Variants in TOM1L1 observed in about 807,000 individuals in gnomAD.
The protein encoded by TOM1L1 is TOM1-like protein 1.
A neutral mutation model predicts 63.4 loss-of-function variants in TOM1L1; 64 were observed. The observed-to-expected ratio is 1.01, with a 90% CI of 0.83 to 1.24. TOM1L1 has a LOEUF of 1.24. Among genes scored for constraint, TOM1L1 ranks in the 50% most tolerant of loss-of-function variants. The probability of loss-of-function intolerance (pLI) is 0.00; values close to 1 mark genes in which losing one functional copy is unlikely to be tolerated. For missense variants in TOM1L1, 536 were observed against 567.0 expected, an observed-to-expected ratio of 0.95 and a Z score of 0.55; for synonymous variants, 166 against 194.4, an observed-to-expected ratio of 0.85 and a Z score of 1.22.
In TOM1L1 at chr17:54,936,721, G is replaced by C; in HGVS notation, c.915+12G>C. ...AGGAAGCCACCAATGTAAGTGATGA[G>C]AAATGTTATAAAATAAACAATTGAA... On this transcript the variant is annotated intron_variant, in intron 9 of 15. Transcript: ENST00000575882. 4.4e-6 allele frequency: 7 copies of C among 1,598,174 alleles called. No individual in the cohort carries two copies. The highest frequency in any genetic ancestry group is 6.0e-6 in the Non-Finnish European group (7 of 1,174,810).
At chr17:54,926,864 C>A (rs142621720) in intron 7 of TOM1L1, among the ~76,000 whole-genome samples, 3 of 152,308 alleles carry the variant, frequency 2.0e-5, no homozygotes, top group East Asian at 3.9e-4. Flanking sequence ...TTCTCATGAG[C>A]TTATGTTCTA....
At chr17:54,904,747 A>G (rs946083220) in intron 2 of TOM1L1, among the ~76,000 whole-genome samples, 5 of 152,382 alleles carry the variant, frequency 3.3e-5, no homozygotes, top group Admixed American at 6.5e-5. Context: ...TCTAAGGAAC[A>G]CAATTCTGGT....
In TOM1L1 at chr17:54,915,733, T is replaced by A. The variant is rs1209756538; in HGVS notation, c.604-13T>A. The A allele has an allele frequency of 1.3e-6, 2 of 1,564,812 alleles. No individual in the cohort carries two copies. The highest frequency in any genetic ancestry group is 1.7e-6 in the Non-Finnish European group (2 of 1,151,278). ...TGTGTCGCACTGACTGGTGATTGTG[T>A]TGCTCTCTACAGATTGGAAAACTGC... On this transcript the variant is annotated splice_polypyrimidine_tract_variant and intron_variant, in intron 6 of 15. Transcript: ENST00000575882.
At chr17:54,933,288 A>G (rs536598992) in intron 8 of TOM1L1, among the ~76,000 whole-genome samples, 26 of 151,950 alleles carry the variant, frequency 1.7e-4, no homozygotes, top group Non-Finnish European at 3.2e-4. Flanking sequence ...TCTTACTTCC[A>G]CTTCTGCCTC....
At chr17:54,950,729 G>T (rs2049210440) in intron 14 of TOM1L1, among the ~76,000 whole-genome samples, 1 of 152,176 alleles carries the variant, frequency 6.6e-6, no homozygotes, top group Admixed American at 6.5e-5. Flanking sequence ...GGAAATCATT[G>T]TTCAGAAACT....
At chr17:54,948,018 T>G (rs2049148210) in intron 12 of TOM1L1, among the ~76,000 whole-genome samples, 1 of 152,222 alleles carries the variant, frequency 6.6e-6, no homozygotes, top group African/African-American at 2.4e-5. Flanking sequence ...CAATGGCCAC[T>G]CTGCTCTTTG....
At chr17:54,913,526 C>T (rs1254433282) in intron 4 of TOM1L1, among the ~76,000 whole-genome samples, 1 of 151,990 alleles carries the variant, frequency 6.6e-6, no homozygotes, top group African/African-American at 2.4e-5. Context: ...GTAAGCCAGG[C>T]GTGGTGGCGG....
At chr17:54,917,406 A>T (rs2048608662) in intron 7 of TOM1L1, 1 of 152,162 alleles carries the variant, frequency 6.6e-6, no homozygotes, top group Non-Finnish European at 1.5e-5. Flanking sequence ...TGAGTTGCTT[A>T]TTCAGTCCTT....
At chr17:54,904,415 T>C (rs1471425498) in intron 2 of TOM1L1, among the ~76,000 whole-genome samples, 3 of 151,648 alleles carry the variant, frequency 2.0e-5, no homozygotes, top group Non-Finnish European at 4.4e-5. Context: ...ATTGTGTCCT[T>C]CTTTAGGAAT....
Position 54,912,753 on chromosome 17 carries a change from C to T in TOM1L1, c.310C>T (p.Leu104=). Residue 104 remains leucine (L), a synonymous_variant, in exon 4 of 16, where the codon CTA becomes TTA. Coordinates refer to ENST00000575882, the MANE Select transcript of TOM1L1 (RefSeq NM_005486.3). ...ATTTGTTAAAGAGAATTTAGTTAAG[C>T]TACTGAATCCCAGATACAACTTGCC... ...KEFVKENLVK[L]LNPRYNLPLD... 1.9e-6 allele frequency: 3 copies of T among 1,611,110 alleles called. No individual in the cohort carries two copies. Among genetic ancestry groups the T allele is most frequent in the Non-Finnish European group, 2.5e-6 (3 of 1,179,110 alleles).
intron 11 of TOM1L1, 55 bp downstream of exon 11, chr17:54,939,075 A>G: frequency 1.6e-6 from 2 of 1,250,970 alleles, no homozygotes; most frequent in Non-Finnish European, 2.3e-6. Flanking sequence ...GATTCCTTAC[A>G]ATTAAGAAAA....
intron 8 of TOM1L1, 190 bp downstream of exon 8, chr17:54,930,396 T>A: frequency 4.7e-6 from 3 of 636,290 alleles, no homozygotes; most frequent in Non-Finnish European, 7.6e-6. Context: ...ATGCTAGAGG[T>A]CTTTCTCCTA....
intron 10 of TOM1L1, chr17:54,937,955 T>C (rs549146583): frequency 1.3e-5 from 2 of 152,294 alleles, no homozygotes; most frequent in Admixed American, 1.3e-4. Context: ...TGAAATCCAG[T>C]TTTGTCAAAT....
chr17:54,936,719 G>A lies in TOM1L1; in HGVS notation c.915+10G>A, dbSNP rs769406748. On this transcript the variant is annotated intron_variant, in intron 9 of 15. Coordinates refer to ENST00000575882, the MANE Select transcript of TOM1L1 (RefSeq NM_005486.3). ...GAAGGAAGCCACCAATGTAAGTGAT[G>A]AGAAATGTTATAAAATAAACAATTG... The A allele has an allele frequency of 1.8e-5, 28 of 1,599,806 alleles. No homozygotes were observed. In the South Asian group the frequency reaches 1.9e-4, roughly 11 times the overall value.
At chr17:54,918,549 G>T (rs2048629370) in intron 7 of TOM1L1, among the ~76,000 whole-genome samples, 2 of 152,172 alleles carry the variant, frequency 1.3e-5, no homozygotes, top group Admixed American at 1.3e-4. Context: ...CAAAGAGTGG[G>T]CTTAACCAGA....
At chr17:54,943,870 C>G (rs1274402921) in intron 11 of TOM1L1, among the ~76,000 whole-genome samples, 1 of 151,448 alleles carries the variant, frequency 6.6e-6, no homozygotes. Flanking sequence ...CCCAGCTACT[C>G]AGAGACTAAG....
intron 11 of TOM1L1, among the ~76,000 whole-genome samples, chr17:54,942,810 C>T (rs549833474): frequency 6.6e-6 from 1 of 152,260 alleles, no homozygotes; most frequent in East Asian, 1.9e-4. Context: ...GCAAAACTGC[C>T]GTGTGCTATT....
intron 4 of TOM1L1, among the ~76,000 whole-genome samples, chr17:54,913,490 C>T (rs1350918149): frequency 6.6e-6 from 1 of 151,968 alleles, no homozygotes; most frequent in South Asian, 2.1e-4. Context: ...ATAGTGAAAC[C>T]CCGTCTCTAC....
intron 11 of TOM1L1, among the ~76,000 whole-genome samples, chr17:54,944,534 T>C (rs1415840181): frequency 6.6e-6 from 1 of 152,220 alleles, no homozygotes; most frequent in Non-Finnish European, 1.5e-5. Flanking sequence ...TCTCTTCTGG[T>C]ATAATTTCCC....
Sources: gnomAD v4.1 joint callset for allele counts (sites outside exome capture counted in the v4.1 genomes callset) on GRCh38, gnomAD v4.1.1 for gene constraint, MANE v1.5 for transcripts, NCBI Gene and HGNC (gene_info 2026-07-23, HGNC 2026-07-21) for gene names.